Variants in LRMDA observed in about 807,000 individuals in gnomAD.
LRMDA encodes the protein leucine rich melanocyte differentiation associated.
LRMDA carries 18 observed loss-of-function variants against 29.8 expected under a neutral mutation model. The ratio of observed to expected loss-of-function variants is 0.60; its 90% confidence interval spans 0.42 to 0.90. LRMDA has a LOEUF of 0.90. LRMDA is among the 40% of genes least tolerant of loss of function. The pLI is 0.00. For synonymous variants in LRMDA, 125 were observed against 109.4 expected (o/e 1.14, Z -0.89); for missense variants, 273 against 273.9 (o/e 1.00, Z 0.02).
At chr10:75,632,337 T>C (rs1841334085) in intron 2 of LRMDA, among the ~76,000 whole-genome samples, 1 of 152,258 alleles carries the variant, frequency 6.6e-6, no homozygotes, top group Non-Finnish European at 1.5e-5. Flanking sequence ...CAGCATTTTC[T>C]AAAAATACTT....
chr10:75,602,389 T>C (rs1840898555), intron 2 of LRMDA, among the ~76,000 whole-genome samples: 1 of 152,182 alleles, frequency 6.6e-6, no homozygotes, highest in African/African-American at 2.4e-5. Context: ...TTCAATTGTG[T>C]GTAAATTGCT....
intron 5 of LRMDA, among the ~76,000 whole-genome samples, chr10:76,271,485 A>C (rs6480803): frequency 0.077 from 11,649 of 152,138 alleles, 1,185 homozygotes; most frequent in African/African-American, 0.23. Flanking sequence ...TGAAACAGAA[A>C]TTTTCAACTT....
At chr10:76,440,842 A>T (rs1219423287) in intron 6 of LRMDA, among the ~76,000 whole-genome samples, 1 of 152,130 alleles carries the variant, frequency 6.6e-6, no homozygotes, top group Admixed American at 6.5e-5. Flanking sequence ...GAGATTATTC[A>T]CATATTTATT....
At chr10:75,875,448 T>G (rs1845180308) in intron 2 of LRMDA, among the ~76,000 whole-genome samples, 1 of 152,184 alleles carries the variant, frequency 6.6e-6, no homozygotes, top group Non-Finnish European at 1.5e-5. Context: ...TTCTTTTTTT[T>G]TTGAGACGCA....
intron 2 of LRMDA, among the ~76,000 whole-genome samples, chr10:75,799,179 T>C (rs571458697): frequency 6.6e-6 from 1 of 152,356 alleles, no homozygotes; most frequent in Admixed American, 6.5e-5. Flanking sequence ...ACCACAATTG[T>C]GGATTTATCA....
At chr10:75,818,334 A>G (rs1023539743) in intron 2 of LRMDA, among the ~76,000 whole-genome samples, 3 of 152,192 alleles carry the variant, frequency 2.0e-5, no homozygotes, top group African/African-American at 4.8e-5. Context: ...TGATAAAGAT[A>G]AATCATAACT....
chr10:75,911,270 C>T (rs555543312), intron 2 of LRMDA, among the ~76,000 whole-genome samples: 2 of 151,900 alleles, frequency 1.3e-5, no homozygotes, highest in South Asian at 4.2e-4. Context: ...TAGGCTGGGC[C>T]CCGAGGCTAT....
intron 6 of LRMDA, among the ~76,000 whole-genome samples, chr10:76,336,905 C>T (rs1840975938): frequency 6.6e-6 from 1 of 152,140 alleles, no homozygotes. Context: ...TTTCTTTTCT[C>T]AAGAGATAGC....
intron 6 of LRMDA, among the ~76,000 whole-genome samples, chr10:76,394,513 G>A (rs559180211): frequency 6.6e-6 from 1 of 152,240 alleles, no homozygotes; most frequent in East Asian, 1.9e-4. Context: ...GAAGAATCTT[G>A]CCTTGGTTTG....
intron 5 of LRMDA, among the ~76,000 whole-genome samples, chr10:76,170,216 TTAGACTCA>T (rs2132191407): frequency 1.3e-5 from 2 of 152,322 alleles, no homozygotes; most frequent in South Asian, 4.1e-4. Context: ...TCAATGTGTT[TTAGACTCA>T]TATAAACTCA....
At chr10:75,929,325 G>A (rs948869473) in intron 2 of LRMDA, among the ~76,000 whole-genome samples, 17 of 150,878 alleles carry the variant, frequency 1.1e-4, no homozygotes, top group Non-Finnish European at 2.2e-4. Flanking sequence ...AAATGAATGC[G>A]TTTGTGCATA....
chr10:76,192,010 C>A (rs1014660221), intron 5 of LRMDA, among the ~76,000 whole-genome samples: 1 of 152,096 alleles, frequency 6.6e-6, no homozygotes, highest in East Asian at 1.9e-4. Flanking sequence ...GTCTCGCGTG[C>A]GGTATGCCTG....
intron 4 of LRMDA, among the ~76,000 whole-genome samples, chr10:76,055,063 C>CAAAAAAAAAAAAAAAAAAAAAAAAAA (rs531729040): frequency 5.9e-4 from 27 of 45,902 alleles, no homozygotes; most frequent in East Asian, 2.2e-3. Context: ...GACTCCATCT[C>CAAAAAAAAAAAAAAAAAAAAAAAAAA]AAAAAAAAAA....
At chr10:76,472,659 A>G (rs1169549876) in intron 6 of LRMDA, among the ~76,000 whole-genome samples, 1 of 151,608 alleles carries the variant, frequency 6.6e-6, no homozygotes, top group Non-Finnish European at 1.5e-5. Flanking sequence ...TAGATTGACC[A>G]AGAAGACTCA....
intron 2 of LRMDA, among the ~76,000 whole-genome samples, chr10:75,760,335 C>T: frequency 6.6e-6 from 1 of 151,982 alleles, no homozygotes; most frequent in Non-Finnish European, 1.5e-5. Flanking sequence ...TGGAGTTTAC[C>T]CTTCCTAAGT....
At chr10:75,956,308 A>G (rs1453760579) in intron 2 of LRMDA, among the ~76,000 whole-genome samples, 3 of 152,336 alleles carry the variant, frequency 2.0e-5, no homozygotes, top group African/African-American at 7.2e-5. Context: ...AGCAGAGAAC[A>G]AGCTGGAGGA....
At chr10:76,425,666 A>G (rs892420504) in intron 6 of LRMDA, among the ~76,000 whole-genome samples, 7 of 151,726 alleles carry the variant, frequency 4.6e-5, no homozygotes, top group Non-Finnish European at 8.8e-5. Context: ...AGTTTGTTAC[A>G]TATGTATACA....
At chr10:75,464,214 C>G (rs1483555012) in intron 2 of LRMDA, among the ~76,000 whole-genome samples, 1 of 152,152 alleles carries the variant, frequency 6.6e-6, no homozygotes, top group African/African-American at 2.4e-5. Context: ...CTGTAGGGGT[C>G]GGGGACAGGC....
chr10:76,294,292 C>T (rs1280719320), intron 5 of LRMDA, among the ~76,000 whole-genome samples: 1 of 152,172 alleles, frequency 6.6e-6, no homozygotes, highest in Non-Finnish European at 1.5e-5. Context: ...AGAGAGTTCA[C>T]ACTGGAAACT....
Sources: gnomAD v4.1 joint callset for allele counts (sites outside exome capture counted in the v4.1 genomes callset) on GRCh38, gnomAD v4.1.1 for gene constraint, MANE v1.5 for transcripts, NCBI Gene and HGNC (gene_info 2026-07-23, HGNC 2026-07-21) for gene names.